Variants in STXBP5L observed in about 807,000 individuals in gnomAD.
STXBP5L encodes syntaxin-binding protein 5-like.
STXBP5L carries 65 observed loss-of-function variants against 144.5 expected under a neutral mutation model. That is an observed-to-expected ratio of 0.45 (90% CI 0.37 to 0.55). The LOEUF (loss-of-function observed/expected upper bound fraction) is 0.55, where lower values mean the gene tolerates loss of function less well. Among genes scored for constraint, STXBP5L ranks in the 20% least tolerant of loss-of-function variants. The pLI, the probability that STXBP5L is intolerant of heterozygous loss-of-function variation, is 0.00. For synonymous variants in STXBP5L, 505 were observed against 469.6 expected (o/e 1.08, Z -0.97); for missense variants, 1,298 against 1,405.5 (o/e 0.92, Z 1.22).
chr3:120,924,438 A>T (rs896203929), intron 2 of STXBP5L, among the ~76,000 whole-genome samples: 5 of 152,210 alleles, frequency 3.3e-5, no homozygotes, highest in African/African-American at 1.2e-4. Context: ...AAGGAATTAG[A>T]TCAGTAATAT....
At chr3:121,135,253 G>C (rs1253220984) in intron 7 of STXBP5L, among the ~76,000 whole-genome samples, 1 of 152,118 alleles carries the variant, frequency 6.6e-6, no homozygotes, top group Non-Finnish European at 1.5e-5. Context: ...TGACGGTGTT[G>C]TTTGTTTTCT....
chr3:121,035,407 C>T (rs1946681719), intron 3 of STXBP5L, among the ~76,000 whole-genome samples: 1 of 152,032 alleles, frequency 6.6e-6, no homozygotes, highest in South Asian at 2.1e-4. Flanking sequence ...GATAGGGGTC[C>T]AGTTTCATGT....
At chr3:121,153,078 C>G (rs2107988352) in intron 8 of STXBP5L, among the ~76,000 whole-genome samples, 1 of 151,980 alleles carries the variant, frequency 6.6e-6, no homozygotes, top group Non-Finnish European at 1.5e-5. Flanking sequence ...ATTAAGTGAC[C>G]AGATATTAAT....
In STXBP5L at chr3:121,194,492, G is replaced by A. The variant is rs902016009; in HGVS notation, c.878-11431G>A. On this transcript the variant is annotated intron_variant, in intron 9 of 26. Transcript: ENST00000471454. The stretch of plus-strand genomic sequence containing the variant: ...CCAGGCTGCAGTGAGCTATGATCAT[G>A]CCACTGCACTCCCTGCCTTGAAAAA... Among the ~76,000 whole-genome samples the A allele has an allele frequency of 5.0e-5, 7 of 139,932 alleles. No individual in the cohort carries two copies. The East Asian group carries it at 1.5e-3, about 30-fold the overall frequency. 91.8% of individuals were successfully genotyped at this position (139,932 alleles called of 152,430 possible). A position where few individuals can be genotyped will look rare whatever the true frequency, so the allele number is the denominator to read the frequency against.
chr3:121,385,428 C>T lies in STXBP5L; in HGVS notation c.2587+3896C>T, dbSNP rs79962961. The stretch of plus-strand genomic sequence containing the variant: ...AACTCACTAATCACCAAGGAGATGG[C>T]GCTAAGCCATTCATTAGGGATCCAT... On this transcript the variant is annotated intron_variant, in intron 22 of 26. Transcript: ENST00000471454. Among the ~76,000 whole-genome samples the T allele has an allele frequency of 4.2e-3, 643 of 152,244 alleles. 4 individuals carry two copies. The highest frequency in any genetic ancestry group is 0.014 in the Middle Eastern group (4 of 294).
chr3:121,333,066 A>G (rs1049163543), intron 20 of STXBP5L, among the ~76,000 whole-genome samples: 2 of 151,694 alleles, frequency 1.3e-5, no homozygotes, highest in Non-Finnish European at 2.9e-5. Flanking sequence ...CAGCCCTATA[A>G]AAAAAATGCT....
chr3:121,298,251 A>T (rs1425832054), intron 19 of STXBP5L, among the ~76,000 whole-genome samples: 4 of 152,164 alleles, frequency 2.6e-5, no homozygotes, highest in Admixed American at 2.6e-4. Flanking sequence ...ATAATTAGTG[A>T]TGTTGATTAG....
intron 3 of STXBP5L, among the ~76,000 whole-genome samples, chr3:121,022,174 T>C (rs1026726672): frequency 2.0e-5 from 3 of 152,014 alleles, no homozygotes; most frequent in Admixed American, 6.5e-5. Flanking sequence ...CTAGAGGAGA[T>C]GGATAAAGTG....
At chr3:120,924,257 G>T (rs887698545) in intron 2 of STXBP5L, among the ~76,000 whole-genome samples, 2 of 152,040 alleles carry the variant, frequency 1.3e-5, no homozygotes, top group South Asian at 2.1e-4. Context: ...AAAGCCCAAA[G>T]AAATTAGAGC....
chr3:121,227,452 C>T (rs534310804), intron 11 of STXBP5L, among the ~76,000 whole-genome samples: 3 of 151,994 alleles, frequency 2.0e-5, no homozygotes, highest in Non-Finnish European at 2.9e-5. Context: ...TAGTGGTACA[C>T]GCCTGTAGTC....
At chr3:121,115,097 T>A in intron 6 of STXBP5L, 38 bp downstream of exon 6, 1 of 1,580,460 alleles carries the variant, frequency 6.3e-7, no homozygotes, top group African/African-American at 1.4e-5. Flanking sequence ...TTGGCTTAAA[T>A]ACTTCATACA....
At chr3:121,157,781 AT>A (rs2046174479) in intron 9 of STXBP5L, 154 bp downstream of exon 9, 1 of 981,626 alleles carries the variant, frequency 1.0e-6, no homozygotes, top group Non-Finnish European at 1.4e-6. Flanking sequence ...AGATCCCAAC[AT>A]TGTACCCCAA....
chr3:120,909,835 A>C, intron 2 of STXBP5L, 68 bp downstream of exon 2: 1 of 1,446,392 alleles, frequency 6.9e-7, no homozygotes, highest in Non-Finnish European at 9.3e-7. Context: ...CAAGGGGGGA[A>C]AAACATACCA....
chr3:121,329,807 C>A (rs1244443296), intron 20 of STXBP5L, among the ~76,000 whole-genome samples: 1 of 152,116 alleles, frequency 6.6e-6, no homozygotes, highest in Non-Finnish European at 1.5e-5. Flanking sequence ...ATGCAGTGAG[C>A]CGATATTGCA....
intron 20 of STXBP5L, among the ~76,000 whole-genome samples, chr3:121,358,393 G>T (rs113998977): frequency 6.6e-6 from 1 of 152,118 alleles, no homozygotes; most frequent in Non-Finnish European, 1.5e-5. Context: ...TGGCTGGGGA[G>T]GCCTCAGAAA....
At chr3:121,142,633 A>G (rs2045554577) in intron 7 of STXBP5L, among the ~76,000 whole-genome samples, 1 of 152,000 alleles carries the variant, frequency 6.6e-6, no homozygotes, top group Non-Finnish European at 1.5e-5. Context: ...TAGAAATTAA[A>G]CAATACATCC....
chr3:121,115,068 G>T lies in STXBP5L; in HGVS notation c.605+9G>T. Reference sequence around the variant, plus strand: ...AACAAGGCAATTGAACTGTAAGTTTGAACTTGGATATCACTTTATTGGCTT... The same window carrying T: ...AACAAGGCAATTGAACTGTAAGTTTTAACTTGGATATCACTTTATTGGCTT... On this transcript the variant is annotated intron_variant, in intron 6 of 26. Transcript: ENST00000471454. 1 of 1,598,388 alleles carries T rather than the reference G, an allele frequency of 6.3e-7. No individual in the cohort carries two copies. Among genetic ancestry groups the T allele is most frequent in the South Asian group, 1.1e-5 (1 of 86,982 alleles).
chr3:121,305,063 T>G (rs1380631286), intron 19 of STXBP5L, among the ~76,000 whole-genome samples: 1 of 151,980 alleles, frequency 6.6e-6, no homozygotes, highest in East Asian at 1.9e-4. Context: ...AATTGACAAT[T>G]TAGATGAAAT....
At chr3:121,399,099 A>G (rs142491747) in intron 22 of STXBP5L, among the ~76,000 whole-genome samples, 1,991 of 152,242 alleles carry the variant, frequency 0.013, 27 homozygotes, top group Non-Finnish European at 0.021. Flanking sequence ...CTTTAGTTTT[A>G]GCTGGCAAAT....
Sources: gnomAD v4.1 joint callset for allele counts (sites outside exome capture counted in the v4.1 genomes callset) on GRCh38, gnomAD v4.1.1 for gene constraint, MANE v1.5 for transcripts, NCBI Gene and HGNC (gene_info 2026-07-23, HGNC 2026-07-21) for gene names.